GRIN2A: variants seen among roughly 807,000 people sequenced by gnomAD.
GRIN2A encodes glutamate receptor ionotropic, NMDA 2A.
In GRIN2A, 22 loss-of-function variants were observed where a neutral mutation model predicts 113.4. The observed-to-expected ratio is 0.19, with a 90% CI of 0.14 to 0.28. The LOEUF is 0.28. Among genes scored for constraint, GRIN2A ranks in the 10% least tolerant of loss-of-function variants. The pLI is 1.00. For synonymous variants in GRIN2A, 827 were observed against 738.4 expected (o/e 1.12, Z -1.94); for missense variants, 1,502 against 1,887.0 (o/e 0.80, Z 3.78).
chr16:9,881,020 G>C (rs554937373), intron 4 of GRIN2A, among the ~76,000 whole-genome samples: 1 of 152,166 alleles, frequency 6.6e-6, no homozygotes, highest in Non-Finnish European at 1.5e-5. Flanking sequence ...CATAGTGAGT[G>C]CTCAGGAAAT....
intron 2 of GRIN2A, among the ~76,000 whole-genome samples, chr16:9,989,028 C>T (rs1433346010): frequency 3.9e-5 from 6 of 152,302 alleles, no homozygotes; most frequent in Middle Eastern, 3.4e-3. Context: ...CTTTGGTGCT[C>T]TCTGAACATC....
chr16:9,756,621 T>A lies in GRIN2A; in HGVS notation c.*6528A>T, dbSNP rs1380116191. On this transcript the variant is annotated 3_prime_UTR_variant, in exon 13 of 13. Transcript: ENST00000330684. ...AAAAACCTGAGCCTCAGTTTCCTTA[T>A]CTGTAAAATGGGAGCAATCATATTT... 5.1e-6 allele frequency: 1 copy of A among 196,878 alleles called. No individual in the cohort carries two copies. The highest frequency in any genetic ancestry group is 1.1e-5 in the Non-Finnish European group (1 of 94,996). 12.2% of individuals were successfully genotyped at this position (196,878 alleles called of 1,614,324 possible). A position where few individuals can be genotyped will look rare whatever the true frequency, so the allele number is the denominator to read the frequency against.
intron 10 of GRIN2A, among the ~76,000 whole-genome samples, chr16:9,806,785 G>C (rs192247283): frequency 5.3e-5 from 8 of 152,046 alleles, no homozygotes; most frequent in Non-Finnish European, 5.9e-5. Context: ...GAAAGAAAGA[G>C]AGAAAAAGAG....
At chr16:9,976,124 TTAAGCTATTC>T (rs1233806472) in intron 2 of GRIN2A, among the ~76,000 whole-genome samples, 1 of 152,242 alleles carries the variant, frequency 6.6e-6, no homozygotes, top group African/African-American at 2.4e-5. Context: ...TAAAATGTAA[TTAAGCTATTC>T]TAAAGGAAAT....
chr16:10,053,448 G>A (rs142682754), intron 2 of GRIN2A, among the ~76,000 whole-genome samples: 15 of 152,322 alleles, frequency 9.8e-5, no homozygotes, highest in Non-Finnish European at 2.2e-4. Flanking sequence ...AAGAGCTGGA[G>A]CTTAAACCTG....
At chr16:9,888,615 A>G (rs1476922905) in intron 4 of GRIN2A, among the ~76,000 whole-genome samples, 1 of 152,028 alleles carries the variant, frequency 6.6e-6, no homozygotes, top group Non-Finnish European at 1.5e-5. Flanking sequence ...TCATCATTAA[A>G]TAAGATATAA....
chr16:9,783,868 A>T (rs1420953858), intron 11 of GRIN2A, among the ~76,000 whole-genome samples: 4 of 152,182 alleles, frequency 2.6e-5, no homozygotes, highest in Non-Finnish European at 4.4e-5. Context: ...CTAACAAAGG[A>T]ACAGAAAACC....
chr16:10,102,570 A>T (rs1318180817), intron 2 of GRIN2A, among the ~76,000 whole-genome samples: 1 of 151,692 alleles, frequency 6.6e-6, no homozygotes, highest in Non-Finnish European at 1.5e-5. Context: ...TGGGGGGGAC[A>T]GAGTCTCACT....
chr16:10,040,197 A>T (rs1049784875), intron 2 of GRIN2A, among the ~76,000 whole-genome samples: 2 of 129,784 alleles, frequency 1.5e-5, no homozygotes, highest in African/African-American at 2.9e-5. Context: ...AATACACCGA[A>T]CACACACATC....
At chr16:9,852,501 A>G (rs1341832728) in intron 4 of GRIN2A, among the ~76,000 whole-genome samples, 1 of 152,214 alleles carries the variant, frequency 6.6e-6, no homozygotes, top group African/African-American at 2.4e-5. Context: ...ATGAGCCCCC[A>G]GAGTGCAATA....
intron 2 of GRIN2A, among the ~76,000 whole-genome samples, chr16:10,048,987 A>T (rs1017535640): frequency 5.9e-5 from 9 of 152,142 alleles, no homozygotes; most frequent in South Asian, 2.1e-4. Flanking sequence ...TGCATCAGAA[A>T]CTTGCTGTCT....
intron 2 of GRIN2A, among the ~76,000 whole-genome samples, chr16:10,006,262 C>A (rs1446028100): frequency 1.3e-5 from 2 of 152,286 alleles, no homozygotes; most frequent in African/African-American, 4.8e-5. Flanking sequence ...GATTTTTAAA[C>A]CCAGTTTTTT....
intron 2 of GRIN2A, among the ~76,000 whole-genome samples, chr16:10,128,020 A>G (rs551391776): frequency 1.3e-5 from 2 of 152,154 alleles, no homozygotes; most frequent in Non-Finnish European, 1.5e-5. Flanking sequence ...GGTCACCCAT[A>G]TAAGAACTCA....
chr16:9,971,895 G>A (rs933243886), intron 2 of GRIN2A, among the ~76,000 whole-genome samples: 3 of 152,160 alleles, frequency 2.0e-5, no homozygotes, highest in South Asian at 2.1e-4. Flanking sequence ...TGGAAGAAGG[G>A]CTCATCATAG....
At chr16:9,797,274 C>T (rs963516191) in intron 11 of GRIN2A, among the ~76,000 whole-genome samples, 1 of 152,200 alleles carries the variant, frequency 6.6e-6, no homozygotes, top group Non-Finnish European at 1.5e-5. Context: ...CTCCTCATAC[C>T]GAGCTCATTT....
At chr16:10,158,571 T>C (rs764535204) in intron 2 of GRIN2A, among the ~76,000 whole-genome samples, 2 of 152,240 alleles carry the variant, frequency 1.3e-5, no homozygotes, top group Non-Finnish European at 2.9e-5. Context: ...ATCCATACAA[T>C]GGAATATTAT....
intron 2 of GRIN2A, among the ~76,000 whole-genome samples, chr16:10,044,543 C>T (rs1379151875): frequency 2.0e-5 from 3 of 151,448 alleles, no homozygotes; most frequent in African/African-American, 7.3e-5. Flanking sequence ...TCATTGTGTT[C>T]TATACATATC....
intron 12 of GRIN2A, among the ~76,000 whole-genome samples, chr16:9,767,420 A>G (rs527960482): frequency 2.6e-5 from 4 of 152,108 alleles, no homozygotes; most frequent in Non-Finnish European, 1.5e-5. Context: ...TTTTATTATT[A>G]TACTTTAAGT....
intron 7 of GRIN2A, among the ~76,000 whole-genome samples, chr16:9,838,387 G>C (rs1436125982): frequency 6.6e-6 from 1 of 152,134 alleles, no homozygotes; most frequent in Non-Finnish European, 1.5e-5. Context: ...CAAAGATATG[G>C]AATCAACCTA....
Sources: allele counts gnomAD v4.1 joint callset (sites outside exome capture counted in the v4.1 genomes callset), GRCh38; gene constraint gnomAD v4.1.1; transcripts MANE v1.5; gene names NCBI Gene and HGNC (gene_info 2026-07-23, HGNC 2026-07-21).